Variants in GABRB2 observed in about 807,000 individuals in gnomAD.
GABRB2 encodes gamma-aminobutyric acid receptor subunit beta-2.
In GABRB2, 16 loss-of-function variants were observed where a neutral mutation model predicts 54.7. That is an observed-to-expected ratio of 0.29 (90% CI 0.20 to 0.44). GABRB2 has a LOEUF of 0.44. GABRB2 is among the 20% of genes least tolerant of loss of function. The pLI is 1.00. For synonymous variants in GABRB2, 244 were observed against 233.8 expected, an observed-to-expected ratio of 1.04 and a Z score of -0.40; for missense variants, 355 against 644.0, an observed-to-expected ratio of 0.55 and a Z score of 4.86.
intron 3 of GABRB2, among the ~76,000 whole-genome samples, chr5:161,468,776 C>A (rs758562405): frequency 1.4e-4 from 22 of 151,846 alleles, no homozygotes; most frequent in Non-Finnish European, 2.2e-4. Flanking sequence ...GATATGAAAG[C>A]ATGAATGAAA....
At chr5:161,336,367 C>T (rs1030501652) in intron 6 of GABRB2, among the ~76,000 whole-genome samples, 2 of 152,080 alleles carry the variant, frequency 1.3e-5, no homozygotes, top group Admixed American at 6.6e-5. Context: ...TATTTCTCTT[C>T]CTGTATTCTT....
At chr5:161,449,497 G>T in intron 4 of GABRB2, among the ~76,000 whole-genome samples, 1 of 152,110 alleles carries the variant, frequency 6.6e-6, no homozygotes, top group Admixed American at 6.6e-5. Context: ...GCCAGCAAAA[G>T]CTGCCAACAA....
At chr5:161,376,900 T>A (rs1310302677) in intron 5 of GABRB2, among the ~76,000 whole-genome samples, 1 of 151,146 alleles carries the variant, frequency 6.6e-6, no homozygotes, top group Non-Finnish European at 1.5e-5. Flanking sequence ...TGGGTATATA[T>A]AACAAAAAGA....
chr5:161,336,824 A>G, intron 5 of GABRB2, 55 bp from the exon 6 acceptor site: 1 of 1,531,772 alleles, frequency 6.5e-7, no homozygotes, highest in Middle Eastern at 1.8e-4. Flanking sequence ...CAAAAAAAAA[A>G]AAACAGACAA....
chr5:161,369,027 G>T lies in GABRB2; in HGVS notation c.542-32258C>A, dbSNP rs183816072. Among the ~76,000 whole-genome samples, 164 of 152,256 alleles carry T rather than the reference G, an allele frequency of 1.1e-3. 1 individual carries two copies. The highest frequency in any genetic ancestry group is 2.1e-3 in the Non-Finnish European group (145 of 68,004). On this transcript the variant is annotated intron_variant, in intron 5 of 9. Transcript: ENST00000393959. ...TTTTAAAAAAGAGAAGGCAGAAATCGATCCAATTATACATGTTGACAACTA... is the reference window on the plus strand; with the variant it reads ...TTTTAAAAAAGAGAAGGCAGAAATCTATCCAATTATACATGTTGACAACTA...
chr5:161,300,263 C>T (rs560123543), intron 9 of GABRB2, among the ~76,000 whole-genome samples: 1 of 152,294 alleles, frequency 6.6e-6, no homozygotes, highest in South Asian at 2.1e-4. Context: ...AATGACTTTA[C>T]AAATCTAGAT....
At chr5:161,451,232 C>T (rs1298169471) in intron 4 of GABRB2, among the ~76,000 whole-genome samples, 1 of 152,096 alleles carries the variant, frequency 6.6e-6, no homozygotes, top group Non-Finnish European at 1.5e-5. Flanking sequence ...GTTGAATTAC[C>T]TTCTGCTTCC....
At chr5:161,383,991 G>A (rs1444589945) in intron 5 of GABRB2, among the ~76,000 whole-genome samples, 1 of 152,124 alleles carries the variant, frequency 6.6e-6, no homozygotes, top group Non-Finnish European at 1.5e-5. Flanking sequence ...GAGTTCAAGT[G>A]ATTCTCCCGC....
intron 3 of GABRB2, among the ~76,000 whole-genome samples, chr5:161,484,316 C>T (rs1253105844): frequency 6.6e-6 from 1 of 151,940 alleles, no homozygotes; most frequent in Non-Finnish European, 1.5e-5. Flanking sequence ...AAGTCATCAA[C>T]TTGTGTTCAT....
chr5:161,367,795 A>ACT (rs1254741125), intron 5 of GABRB2, among the ~76,000 whole-genome samples: 1 of 152,332 alleles, frequency 6.6e-6, no homozygotes, highest in African/African-American at 2.4e-5. Context: ...ACATTCAAAG[A>ACT]CTAAGTTTAG....
chr5:161,457,737 C>T (rs1317329643), intron 4 of GABRB2, among the ~76,000 whole-genome samples: 7 of 152,042 alleles, frequency 4.6e-5, no homozygotes, highest in East Asian at 1.9e-4. Context: ...TGAGCCACTG[C>T]GCTCAGCCCC....
chr5:161,547,932 C>A (rs989855451), upstream of GABRB2: 1 of 152,268 alleles, frequency 6.6e-6, no homozygotes, highest in African/African-American at 2.4e-5. Context: ...GCGTGCGGAG[C>A]TGGCGCCCCC....
At position 161,390,590 on chromosome 5, in the gene GABRB2, G is replaced by T. The variant is rs528790332; in HGVS notation, c.541+20385C>A. On this transcript the variant is annotated intron_variant, in intron 5 of 9. Coordinates refer to ENST00000393959, the MANE Select transcript of GABRB2 (RefSeq NM_001371727.1). ...TCCTAGTTTTGATGACTGCCCCATG[G>T]TCATGTAAAATATTAACATTAGGCG... 1.3e-4 allele frequency among the ~76,000 whole-genome samples: 20 copies of T among 152,138 alleles called. No individual in the cohort carries two copies. In the South Asian group the frequency reaches 4.1e-3, roughly 32 times the overall value.
intron 8 of GABRB2, among the ~76,000 whole-genome samples, chr5:161,329,118 G>T (rs778070357): frequency 2.0e-5 from 3 of 152,100 alleles, no homozygotes; most frequent in Non-Finnish European, 4.4e-5. Flanking sequence ...TCATTTAAAT[G>T]CAAATTGGTA....
At chr5:161,494,051 T>G (rs1759156229) in intron 3 of GABRB2, among the ~76,000 whole-genome samples, 1 of 151,768 alleles carries the variant, frequency 6.6e-6, no homozygotes, top group South Asian at 2.1e-4. Context: ...AAAACCAAAA[T>G]TTAAAAATCC....
intron 5 of GABRB2, among the ~76,000 whole-genome samples, chr5:161,378,327 A>C (rs1316604572): frequency 1.3e-5 from 2 of 152,130 alleles, no homozygotes; most frequent in South Asian, 2.1e-4. Flanking sequence ...TGAGAAGAAA[A>C]ATATCCAGTC....
chr5:161,480,175 G>T (rs1758719712), intron 3 of GABRB2, among the ~76,000 whole-genome samples: 2 of 152,056 alleles, frequency 1.3e-5, no homozygotes, highest in Admixed American at 1.3e-4. Context: ...CCCCAAAATG[G>T]AAATGGATGA....
chr5:161,538,230 CG>C (rs772103033), intron 3 of GABRB2, among the ~76,000 whole-genome samples: 1 of 152,060 alleles, frequency 6.6e-6, no homozygotes, highest in Non-Finnish European at 1.5e-5. Flanking sequence ...GGCATTCGCC[CG>C]GGGTCAAATA....
At chr5:161,489,409 C>T (rs534316851) in intron 3 of GABRB2, among the ~76,000 whole-genome samples, 4 of 151,668 alleles carry the variant, frequency 2.6e-5, no homozygotes, top group East Asian at 1.9e-4. Context: ...TTAATCTTCA[C>T]GAGTAATGTT....
Sources: gnomAD v4.1 joint callset for allele counts (sites outside exome capture counted in the v4.1 genomes callset) on GRCh38, gnomAD v4.1.1 for gene constraint, MANE v1.5 for transcripts, NCBI Gene and HGNC (gene_info 2026-07-23, HGNC 2026-07-21) for gene names.